The following AUTS2 variants were observed in gnomAD, a reference collection of about 807,000 sequenced individuals.
AUTS2 encodes activator of transcription and developmental regulator AUTS2.
A neutral mutation model predicts 112.4 loss-of-function variants in AUTS2; 17 were observed. That is an observed-to-expected ratio of 0.15 (90% CI 0.10 to 0.23). AUTS2 has a LOEUF of 0.23. Ranked by LOEUF, AUTS2 falls within the 10% of genes least tolerant of loss-of-function variation. AUTS2 has a pLI of 1.00. For synonymous variants in AUTS2, 751 were observed against 702.7 expected (o/e 1.07, Z -1.09); for missense variants, 1,510 against 1,701.6 (o/e 0.89, Z 1.98).
intron 1 of AUTS2, among the ~76,000 whole-genome samples, chr7:69,779,802 G>A (rs1448807333): frequency 2.0e-5 from 3 of 151,052 alleles, no homozygotes; most frequent in African/African-American, 7.3e-5. Flanking sequence ...TATATATATG[G>A]AAATACATTT....
At chr7:69,800,291 T>A (rs1790026003) in intron 1 of AUTS2, among the ~76,000 whole-genome samples, 1 of 152,130 alleles carries the variant, frequency 6.6e-6, no homozygotes. Flanking sequence ...GAACATGTGA[T>A]AATTAAGGTT....
At chr7:69,663,549 G>T (rs1435680961) in intron 1 of AUTS2, among the ~76,000 whole-genome samples, 1 of 152,170 alleles carries the variant, frequency 6.6e-6, no homozygotes, top group African/African-American at 2.4e-5. Context: ...ACTTAAATTT[G>T]AATTGGGAGC....
chr7:70,548,024 A>G (rs2129517063), intron 5 of AUTS2, among the ~76,000 whole-genome samples: 1 of 152,238 alleles, frequency 6.6e-6, no homozygotes, highest in Non-Finnish European at 1.5e-5. Flanking sequence ...GTATTTCTCT[A>G]AGGATGTTTT....
chr7:70,339,943 C>T (rs1791179835), intron 4 of AUTS2, among the ~76,000 whole-genome samples: 2 of 151,952 alleles, frequency 1.3e-5, no homozygotes, highest in African/African-American at 4.8e-5. Flanking sequence ...TTTGAGAGTG[C>T]CAGAGATACT....
chr7:70,081,935 A>AGTGTGTGT (rs3049737), intron 2 of AUTS2, among the ~76,000 whole-genome samples: 28 of 146,880 alleles, frequency 1.9e-4, no homozygotes, highest in African/African-American at 6.5e-4. Flanking sequence ...TTCTGTGAAG[A>AGTGTGTGT]GTGTGTGTGT....
At chr7:69,849,943 T>C (rs975417932) in intron 1 of AUTS2, among the ~76,000 whole-genome samples, 42 of 152,150 alleles carry the variant, frequency 2.8e-4, no homozygotes, top group African/African-American at 9.9e-4. Flanking sequence ...TTTTCATTTC[T>C]GTGGGATAAA....
chr7:70,328,725 T>C (rs1011561867), intron 4 of AUTS2, among the ~76,000 whole-genome samples: 2 of 152,168 alleles, frequency 1.3e-5, no homozygotes, highest in African/African-American at 4.8e-5. Flanking sequence ...AGCCAACAGT[T>C]TATGATGCAA....
At chr7:70,493,791 A>G (rs1188543670) in intron 5 of AUTS2, among the ~76,000 whole-genome samples, 3 of 152,160 alleles carry the variant, frequency 2.0e-5, no homozygotes, top group South Asian at 2.1e-4. Context: ...AAGGTCTACT[A>G]ATTCCTTTCA....
chr7:70,087,735 A>T (rs1034354634), intron 2 of AUTS2, among the ~76,000 whole-genome samples: 1 of 152,166 alleles, frequency 6.6e-6, no homozygotes, highest in East Asian at 1.9e-4. Context: ...TATAGAATAT[A>T]TTGGGAAGTA....
chr7:70,340,557 C>T (rs573032876), intron 4 of AUTS2, among the ~76,000 whole-genome samples: 2 of 152,206 alleles, frequency 1.3e-5, no homozygotes, highest in East Asian at 3.9e-4. Flanking sequence ...ACCTACATGG[C>T]AGCTAGCATC....
intron 2 of AUTS2, among the ~76,000 whole-genome samples, chr7:69,918,230 TCTTTTAC>T (rs1795669649): frequency 6.6e-6 from 1 of 152,172 alleles, no homozygotes; most frequent in African/African-American, 2.4e-5. Context: ...AGAGGACCAG[TCTTTTAC>T]AAAAGATTAC....
intron 1 of AUTS2, among the ~76,000 whole-genome samples, chr7:69,880,160 G>A (rs911528091): frequency 2.0e-5 from 3 of 152,156 alleles, no homozygotes; most frequent in African/African-American, 7.2e-5. Context: ...GGCCTGGGCA[G>A]GAGGAAGAAA....
chr7:70,031,373 G>A (rs938745649), intron 2 of AUTS2, among the ~76,000 whole-genome samples: 1 of 152,132 alleles, frequency 6.6e-6, no homozygotes, highest in Non-Finnish European at 1.5e-5. Context: ...TGTTAACTGG[G>A]TTTATTAGCT....
chr7:69,628,216 A>G (rs1176786635), intron 1 of AUTS2, among the ~76,000 whole-genome samples: 1 of 152,222 alleles, frequency 6.6e-6, no homozygotes, highest in Non-Finnish European at 1.5e-5. Flanking sequence ...GAGCAAGCCC[A>G]TCCTGTTCTT....
At chr7:69,877,120 AT>A (rs1230214964) in intron 1 of AUTS2, among the ~76,000 whole-genome samples, 1 of 152,168 alleles carries the variant, frequency 6.6e-6, no homozygotes, top group African/African-American at 2.4e-5. Context: ...AAATACTGGG[AT>A]TTGGTTTCAG....
At chr7:70,729,473 C>T (rs1301076844) in intron 6 of AUTS2, among the ~76,000 whole-genome samples, 1 of 152,212 alleles carries the variant, frequency 6.6e-6, no homozygotes, top group Non-Finnish European at 1.5e-5. Context: ...TTCCATGTTC[C>T]ATTAGAGAAC....
intron 4 of AUTS2, among the ~76,000 whole-genome samples, chr7:70,333,578 C>T (rs1161969496): frequency 3.3e-5 from 5 of 152,232 alleles, no homozygotes; most frequent in African/African-American, 1.2e-4. Context: ...CAATGCTAGA[C>T]TGGATAAAGA....
intron 5 of AUTS2, among the ~76,000 whole-genome samples, chr7:70,573,270 A>G (rs1354388495): frequency 6.6e-6 from 1 of 152,232 alleles, no homozygotes; most frequent in Non-Finnish European, 1.5e-5. Flanking sequence ...AGGTGGCCAC[A>G]GACGCAGTGG....
At chr7:70,231,781 GT>G (rs1172994646) in intron 4 of AUTS2, among the ~76,000 whole-genome samples, 1 of 125,080 alleles carries the variant, frequency 8.0e-6, no homozygotes, top group African/African-American at 3.0e-5. Context: ...TGTTTGTTTT[GT>G]TTTTTTTCTT....
Sources: allele counts gnomAD v4.1 joint callset (sites outside exome capture counted in the v4.1 genomes callset), GRCh38; gene constraint gnomAD v4.1.1; transcripts MANE v1.5; gene names NCBI Gene and HGNC (gene_info 2026-07-23, HGNC 2026-07-21).